CNTNAP3B: variants seen among roughly 807,000 people sequenced by gnomAD.
The protein encoded by CNTNAP3B is contactin associated protein family member 3B.
CNTNAP3B carries 25 observed loss-of-function variants against 108.9 expected under a neutral mutation model. The ratio of observed to expected loss-of-function variants is 0.23; its 90% CI spans 0.17 to 0.32. CNTNAP3B has a LOEUF of 0.32. Ranked by LOEUF, CNTNAP3B falls within the 10% of genes least tolerant of loss-of-function variation. The pLI is 1.00. For synonymous variants in CNTNAP3B, 103 were observed against 473.4 expected, an observed-to-expected ratio of 0.22 and a Z score of 10.16; for missense variants, 252 against 1,210.4, an observed-to-expected ratio of 0.21 and a Z score of 11.75.
chr9:42,121,059 C>T lies in CNTNAP3B; in HGVS notation c.85+7951G>A, dbSNP rs770210770. On this transcript the variant is annotated intron_variant, in intron 1 of 23. Coordinates refer to ENST00000377561, the MANE Select transcript of CNTNAP3B (RefSeq NM_001201380.3). Reference sequence around the variant, plus strand: ...TCTGCGATGCCTGCAGAAACCCAGTCGCAACCCATTCGTTCATATTCCTCT... The same window carrying T: ...TCTGCGATGCCTGCAGAAACCCAGTTGCAACCCATTCGTTCATATTCCTCT... 3.6e-5 allele frequency among the ~76,000 whole-genome samples: 5 copies of T among 138,836 alleles called. 1 individual carries two copies. Among genetic ancestry groups the T allele is most frequent in the African/African-American group, 1.4e-4 (5 of 34,898 alleles). 91.1% of individuals were successfully genotyped at this position (138,836 alleles called of 152,430 possible).
chr9:41,935,042 T>C (rs1192542493), intron 14 of CNTNAP3B, among the ~76,000 whole-genome samples: 3 of 152,120 alleles, frequency 2.0e-5, no homozygotes, highest in African/African-American at 7.2e-5. Flanking sequence ...TATATGTATA[T>C]TTTAGAGAAT....
chr9:42,070,866 G>A (rs562047399), intron 3 of CNTNAP3B, among the ~76,000 whole-genome samples: 306 of 151,766 alleles, frequency 2.0e-3, no homozygotes, highest in Middle Eastern at 3.4e-3. Flanking sequence ...AATGCACTTT[G>A]TCCACTGCCC....
intron 14 of CNTNAP3B, among the ~76,000 whole-genome samples, chr9:41,935,177 A>C (rs1407793902): frequency 6.6e-6 from 1 of 152,298 alleles, no homozygotes; most frequent in Non-Finnish European, 1.5e-5. Flanking sequence ...AATCTTTGGC[A>C]TGTTATAGTT....
chr9:42,054,831 T>G (rs1333180620), intron 3 of CNTNAP3B, among the ~76,000 whole-genome samples: 2 of 150,472 alleles, frequency 1.3e-5, no homozygotes, highest in Admixed American at 6.6e-5. Context: ...CTGTTGTTGT[T>G]TTTTAATCTA....
chr9:41,961,182 A>C (rs1825078959), intron 11 of CNTNAP3B, among the ~76,000 whole-genome samples: 1 of 152,302 alleles, frequency 6.6e-6, no homozygotes, highest in African/African-American at 2.4e-5. Flanking sequence ...TATTTTGAGG[A>C]AGAAGGAAAG....
chr9:41,942,197 CG>C (rs1249478023), intron 13 of CNTNAP3B, among the ~76,000 whole-genome samples: 1 of 152,284 alleles, frequency 6.6e-6, no homozygotes, highest in African/African-American at 2.4e-5. Flanking sequence ...TGCTTCTGGC[CG>C]GGCGCGGTGG....
At chr9:41,945,657 G>A (rs1392560189) in intron 13 of CNTNAP3B, among the ~76,000 whole-genome samples, 1 of 152,304 alleles carries the variant, frequency 6.6e-6, no homozygotes, top group Admixed American at 6.5e-5. Context: ...AGGAGATATA[G>A]CTAATGTAAA....
At chr9:42,015,551 G>A (rs1246442088) in intron 3 of CNTNAP3B, among the ~76,000 whole-genome samples, 1 of 90,428 alleles carries the variant, frequency 1.1e-5, no homozygotes, top group Non-Finnish European at 2.3e-5. Flanking sequence ...TTCTTCATCT[G>A]TAAAACTGAT....
chr9:42,077,366 T>G (rs532544622), intron 2 of CNTNAP3B, among the ~76,000 whole-genome samples: 1 of 134,472 alleles, frequency 7.4e-6, no homozygotes, highest in South Asian at 2.4e-4. Context: ...ATAGCCCTTG[T>G]GCAAGATTTG....
intron 1 of CNTNAP3B, among the ~76,000 whole-genome samples, chr9:42,114,812 C>T (rs1004227594): frequency 2.9e-5 from 4 of 137,970 alleles, no homozygotes; most frequent in South Asian, 2.4e-4. Flanking sequence ...TGAGACTGGG[C>T]GCAGTGGTCA....
rs1828201582 is a variant in CNTNAP3B, at chr9:42,112,008, C to T, written c.86-7269G>A. ...TGCACCTGTCCTGAAATTCAAATTT[C>T]AGGTCCTGGCATTCAATTCCTTCCA... On this transcript the variant is annotated intron_variant, in intron 1 of 23. Coordinates refer to ENST00000377561, the MANE Select transcript of CNTNAP3B (RefSeq NM_001201380.3). 2.2e-5 allele frequency among the ~76,000 whole-genome samples: 3 copies of T among 139,462 alleles called. 1 individual carries two copies. Among genetic ancestry groups the T allele is most frequent in the Non-Finnish European group, 4.6e-5 (3 of 65,050 alleles). The allele number at this position is 139,462 out of a possible 152,430, so 91.5% of individuals were successfully genotyped here.
chr9:41,916,566 T>C (rs1457810369), intron 18 of CNTNAP3B, among the ~76,000 whole-genome samples: 1 of 150,450 alleles, frequency 6.6e-6, no homozygotes, highest in Non-Finnish European at 1.5e-5. Flanking sequence ...TACTATCTTT[T>C]ATAATTTTTA....
chr9:41,963,042 T>G (rs1825153795), intron 11 of CNTNAP3B, among the ~76,000 whole-genome samples: 1 of 152,254 alleles, frequency 6.6e-6, no homozygotes, highest in African/African-American at 2.4e-5. Context: ...TCATACTTCA[T>G]GCTTCAATCT....
chr9:41,924,381 T>C (rs1343597499), intron 15 of CNTNAP3B, among the ~76,000 whole-genome samples: 24 of 152,302 alleles, frequency 1.6e-4, no homozygotes, highest in Non-Finnish European at 2.6e-4. Flanking sequence ...CAGGGTCAAG[T>C]TCAGAATCAC....
rs1312223266 is a variant in CNTNAP3B at position 41,982,074 on chromosome 9, A to AC, written c.1477+4093_1477+4094insG. ...TGACTCTAAAGTCTCAAAAAAAAAAAAAAAAAAAAGTAAAGCCTATAACTA... is the reference window on the plus strand; with the variant it reads ...TGACTCTAAAGTCTCAAAAAAAAAAACAAAAAAAAAGTAAAGCCTATAACTA... On this transcript the variant is annotated intron_variant, in intron 9 of 23. Coordinates refer to ENST00000377561, the MANE Select transcript of CNTNAP3B (RefSeq NM_001201380.3). 1.8e-4 allele frequency among the ~76,000 whole-genome samples: 22 copies of AC among 119,338 alleles called. 2 individuals carry two copies. Among genetic ancestry groups the AC allele is most frequent in the African/African-American group, 7.4e-4 (21 of 28,254 alleles). 78.3% of individuals were successfully genotyped at this position (119,338 alleles called of 152,430 possible).
chr9:42,043,073 G>A (rs1185856476), intron 3 of CNTNAP3B, among the ~76,000 whole-genome samples: 5 of 147,524 alleles, frequency 3.4e-5, no homozygotes, highest in Admixed American at 6.7e-5. Flanking sequence ...GAGATGGTCA[G>A]TATTTCATTG....
Position 41,927,932 on chromosome 9 carries a change from C to T in CNTNAP3B, c.2365+1385G>A, listed in dbSNP as rs1344181071. ...GGGCAAAGGAAACAAGTCAACAGTC[C>T]TAGATGAAGAGAATCCACCAAATGA... is the stretch of plus-strand genomic sequence containing the variant. On this transcript the variant is annotated intron_variant, in intron 15 of 23. Transcript: ENST00000377561. Among the ~76,000 whole-genome samples, 19 of 104,440 alleles carry T rather than the reference C, an allele frequency of 1.8e-4. 2 individuals carry two copies. The highest frequency in any genetic ancestry group is 5.9e-4 in the Admixed American group (6 of 10,246). 68.5% of individuals were successfully genotyped at this position (104,440 alleles called of 152,430 possible). A position where few individuals can be genotyped will look rare whatever the true frequency, so the allele number is the denominator to read the frequency against.
At chr9:41,927,419 A>C (rs1291270406) in intron 15 of CNTNAP3B, among the ~76,000 whole-genome samples, 1 of 150,210 alleles carries the variant, frequency 6.7e-6, no homozygotes. Context: ...AGAAAGAAAG[A>C]AAAAGAAAGA....
chr9:41,935,251 T>C (rs1824121296), intron 14 of CNTNAP3B, among the ~76,000 whole-genome samples: 1 of 152,258 alleles, frequency 6.6e-6, no homozygotes. Flanking sequence ...TTTTAAGTAA[T>C]ATGCTTAGAC....
Sources: allele counts gnomAD v4.1 joint callset (sites outside exome capture counted in the v4.1 genomes callset), GRCh38; gene constraint gnomAD v4.1.1; transcripts MANE v1.5; gene names NCBI Gene and HGNC (gene_info 2026-07-23, HGNC 2026-07-21).